PIWIL1: variants seen among roughly 807,000 people sequenced by gnomAD.
The protein encoded by PIWIL1 is piwi like RNA-mediated gene silencing 1, also known as piwi-like protein 1.
Under a neutral mutation model 114.4 loss-of-function variants are expected in PIWIL1, and 73 were observed. The ratio of observed to expected loss-of-function variants is 0.64; its 90% CI spans 0.53 to 0.78. The LOEUF (loss-of-function observed/expected upper bound fraction) is 0.78. Ranked by LOEUF, PIWIL1 falls within the 30% of genes least tolerant of loss-of-function variation. PIWIL1 has a pLI of 0.00. For synonymous variants in PIWIL1, 375 were observed against 369.0 expected, an observed-to-expected ratio of 1.02 and a Z score of -0.19; for missense variants, 723 against 1,063.1, an observed-to-expected ratio of 0.68 and a Z score of 4.45.
At chr12:130,412,492 T>C in the PIWIL1 span, 60 of 896,328 alleles carry the variant, frequency 6.7e-5, no homozygotes, top group East Asian at 1.4e-3. Context: ...CTGGTCAACA[T>C]TTACATGACT....
At chr12:130,391,785 C>A in the PIWIL1 span, among the ~76,000 whole-genome samples, 1 of 48,900 alleles carries the variant, frequency 2.0e-5, no homozygotes, top group African/African-American at 8.1e-5. Flanking sequence ...AGACAGGCCA[C>A]CTGCGACACC....
At chr12:130,404,224 A>G in the PIWIL1 span, among the ~76,000 whole-genome samples, 1 of 152,240 alleles carries the variant, frequency 6.6e-6, no homozygotes, top group Non-Finnish European at 1.5e-5. Context: ...ACACTTTTCC[A>G]ACATGTTTTC....
At position 130,361,259 on chromosome 12, in the gene PIWIL1, C is replaced by G; in HGVS notation, c.1745C>G (p.Pro582Arg). The change falls in exon 15 of 21, where the codon CCA becomes CGA. Residue 582 changes from proline to arginine, a missense_variant. Coordinates refer to ENST00000245255, the MANE Select transcript of PIWIL1 (RefSeq NM_004764.5). ...KKYLCTDCPT[P>R]SQCVVARTLG... Reference sequence around the variant, plus strand: ...TACCTGTGTACAGATTGCCCTACCCCAAGTCAGTGTGTGGTGGCCCGAACC... The same window carrying G: ...TACCTGTGTACAGATTGCCCTACCCGAAGTCAGTGTGTGGTGGCCCGAACC... 6.2e-7 allele frequency: 1 copy of G among 1,614,138 alleles called. No homozygotes were observed. The highest frequency in any genetic ancestry group is 8.5e-7 in the Non-Finnish European group (1 of 1,180,010).
intron 1 of PIWIL1, among the ~76,000 whole-genome samples, chr12:130,340,732 A>G (rs2072897598): frequency 6.6e-6 from 1 of 151,842 alleles, no homozygotes; most frequent in Non-Finnish European, 1.5e-5. Flanking sequence ...AGAGACTTTC[A>G]TGCGCCAGTA....
In PIWIL1 at chr12:130,371,480, A is replaced by C; in HGVS notation, c.2470-2A>C. On this transcript the variant is annotated splice_acceptor_variant, in intron 20 of 20. Transcript: ENST00000245255. LOFTEE classifies it high-confidence loss of function. ...TAGAACCTTTTTTTCCTTCCACTAA[A>C]GGGTGTCATTCGTGTTCCTGCTCCT... The C allele has an allele frequency of 6.2e-7, 1 of 1,613,622 alleles. No individual in the cohort carries two copies. Among genetic ancestry groups the C allele is most frequent in the Non-Finnish European group, 8.5e-7 (1 of 1,179,546 alleles).
intron 1 of PIWIL1, among the ~76,000 whole-genome samples, chr12:130,338,466 G>T (rs1255325817): frequency 2.8e-5 from 1 of 35,172 alleles, no homozygotes; most frequent in African/African-American, 9.9e-5. Flanking sequence ...CCGGGTGCGG[G>T]GGCGAGGTCC....
rs945703690 is a variant in PIWIL1, at chr12:130,354,721, A to G, written c.1171+58A>G. ...CCACTGGATTTACCCTTTCTTTCCT[A>G]GGAGTCCTCAGACATTCCTTTACTT... is the stretch of plus-strand genomic sequence containing the variant. On this transcript the variant is annotated intron_variant, in intron 10 of 20. Coordinates refer to ENST00000245255, the MANE Select transcript of PIWIL1 (RefSeq NM_004764.5). The G allele has an allele frequency of 3.1e-5, 48 of 1,528,910 alleles. No individual in the cohort carries two copies. In the African/African-American group the frequency reaches 4.5e-4, roughly 14 times the overall value. The allele number at this position is 1,528,910 out of a possible 1,614,324, so 94.7% of individuals were successfully genotyped here. A position where few individuals can be genotyped will look rare whatever the true frequency, so the allele number is the denominator to read the frequency against.
At chr12:130,402,477 A>G in the PIWIL1 span, among the ~76,000 whole-genome samples, 2 of 151,978 alleles carry the variant, frequency 1.3e-5, no homozygotes, top group Non-Finnish European at 2.9e-5. Context: ...TCCATATAGC[A>G]TGTTTCCCAG....
chr12:130,413,056 A>G, the PIWIL1 span, among the ~76,000 whole-genome samples: 6 of 152,012 alleles, frequency 3.9e-5, no homozygotes. Context: ...TGCTTGGATG[A>G]ATGCATGTTA....
At chr12:130,401,656 C>T in the PIWIL1 span, among the ~76,000 whole-genome samples, 2 of 151,930 alleles carry the variant, frequency 1.3e-5, no homozygotes, top group African/African-American at 4.8e-5. Context: ...CAGACTATTT[C>T]TAGGCCACCT....
At chr12:130,371,413 A>G in intron 20 of PIWIL1, 69 bp from the exon 21 acceptor site, 1 of 1,608,784 alleles carries the variant, frequency 6.2e-7, no homozygotes, top group Non-Finnish European at 8.5e-7. Flanking sequence ...TTTTAGGGTT[A>G]ATACTGAGAT....
downstream of PIWIL1, among the ~76,000 whole-genome samples, chr12:130,375,365 C>T (rs1423197446): frequency 1.3e-5 from 2 of 152,180 alleles, no homozygotes; most frequent in African/African-American, 4.8e-5. Context: ...CCATTGGCTC[C>T]ACAGCTCTCT....
At chr12:130,383,167 C>T in the PIWIL1 span, among the ~76,000 whole-genome samples, 2 of 152,298 alleles carry the variant, frequency 1.3e-5, no homozygotes, top group East Asian at 3.9e-4. Flanking sequence ...ATTGGAGATG[C>T]ATAAATAGAT....
chr12:130,421,909 A>C, the PIWIL1 span, among the ~76,000 whole-genome samples: 4 of 152,246 alleles, frequency 2.6e-5, no homozygotes, highest in Non-Finnish European at 5.9e-5. Context: ...AGTCAGGAAG[A>C]GAATGGAAAC....
intron 3 of PIWIL1, among the ~76,000 whole-genome samples, chr12:130,344,730 G>T (rs2073023187): frequency 6.6e-6 from 1 of 152,096 alleles, no homozygotes; most frequent in African/African-American, 2.4e-5. Context: ...AGCCCTCCCT[G>T]CCAGATCCAG....
the PIWIL1 span, among the ~76,000 whole-genome samples, chr12:130,380,166 TTCCTTCAACTCCCTCATCCCAAG>T: frequency 1.5e-5 from 2 of 134,600 alleles, no homozygotes; most frequent in African/African-American, 3.4e-5. Flanking sequence ...GCATTGACAG[TTCCTTCAACTCCCTCATCCCAAG>T]TCCCATCCAA....
the PIWIL1 span, chr12:130,406,345 T>C: frequency 1.3e-6 from 1 of 741,054 alleles, no homozygotes; most frequent in Non-Finnish European, 2.2e-6. Flanking sequence ...TGAGAATTTC[T>C]GGTATTAATC....
intron 19 of PIWIL1, 124 bp from the exon 20 acceptor site, chr12:130,371,052 T>G: frequency 1.0e-5 from 8 of 779,430 alleles, no homozygotes; most frequent in Non-Finnish European, 1.3e-5. Context: ...CGTTACAGCG[T>G]GAGAAGAGAT....
At chr12:130,369,517 T>C (rs1038892818) in intron 19 of PIWIL1, among the ~76,000 whole-genome samples, 2 of 108,736 alleles carry the variant, frequency 1.8e-5, no homozygotes, top group East Asian at 4.6e-4. Flanking sequence ...CCACCAACAG[T>C]GTAAAAGTGT....
Sources: allele counts gnomAD v4.1 joint callset (sites outside exome capture counted in the v4.1 genomes callset), GRCh38; gene constraint gnomAD v4.1.1; transcripts MANE v1.5; gene names NCBI Gene and HGNC (gene_info 2026-07-23, HGNC 2026-07-21).